The following CTNNA3 variants were observed in gnomAD, a reference collection of about 807,000 sequenced individuals.
CTNNA3 encodes catenin alpha-3.
CTNNA3 carries 76 observed loss-of-function variants against 95.7 expected under a neutral mutation model. The ratio of observed to expected loss-of-function variants is 0.79; its 90% CI spans 0.66 to 0.96. CTNNA3 has a LOEUF of 0.96. Among genes scored for constraint, CTNNA3 ranks in the 40% least tolerant of loss-of-function variants. The pLI, the probability that CTNNA3 is intolerant of heterozygous loss-of-function variation, is 0.00. For missense variants in CTNNA3, 1,191 were observed against 1,089.8 expected, an observed-to-expected ratio of 1.09 and a Z score of -1.31; for synonymous variants, 431 against 374.4, an observed-to-expected ratio of 1.15 and a Z score of -1.74.
At chr10:67,664,146 T>G (rs1468854585) in intron 1 of CTNNA3, among the ~76,000 whole-genome samples, 3 of 152,222 alleles carry the variant, frequency 2.0e-5, no homozygotes, top group African/African-American at 2.4e-5. Context: ...ATTCATACAT[T>G]TATACAAAAT....
chr10:67,512,631 A>T (rs1287725797), intron 5 of CTNNA3, among the ~76,000 whole-genome samples: 1 of 152,016 alleles, frequency 6.6e-6, no homozygotes, highest in East Asian at 1.9e-4. Flanking sequence ...GCTGAACCAG[A>T]TGATGCTTAT....
intron 5 of CTNNA3, among the ~76,000 whole-genome samples, chr10:67,248,005 A>G (rs1488065203): frequency 2.0e-5 from 3 of 152,218 alleles, no homozygotes; most frequent in African/African-American, 7.2e-5. Context: ...CAAGGGTATC[A>G]TGACAATTCA....
chr10:66,261,723 G>C (rs951742150), intron 13 of CTNNA3, among the ~76,000 whole-genome samples: 1 of 151,990 alleles, frequency 6.6e-6, no homozygotes, highest in South Asian at 2.1e-4. Context: ...GAATCATAAG[G>C]CTTTTCTTTA....
chr10:66,316,104 A>G (rs1589075502), intron 12 of CTNNA3, among the ~76,000 whole-genome samples: 1 of 152,140 alleles, frequency 6.6e-6, no homozygotes, highest in South Asian at 2.1e-4. Flanking sequence ...GAGACTTTCA[A>G]TATTGAGTAT....
chr10:66,464,831 C>G (rs12245605), intron 11 of CTNNA3, among the ~76,000 whole-genome samples: 10,109 of 151,516 alleles, frequency 0.067, 715 homozygotes, highest in African/African-American at 0.18. Context: ...CAATTTGTCT[C>G]TTACAGGCTA....
chr10:66,456,414 T>G (rs2093495407), intron 11 of CTNNA3, among the ~76,000 whole-genome samples: 1 of 152,160 alleles, frequency 6.6e-6, no homozygotes, highest in Non-Finnish European at 1.5e-5. Context: ...AGACAGTCTT[T>G]GCAACAAATG....
At chr10:67,571,609 A>G (rs187316380) in intron 3 of CTNNA3, among the ~76,000 whole-genome samples, 47 of 152,304 alleles carry the variant, frequency 3.1e-4, no homozygotes, top group African/African-American at 1.1e-3. Flanking sequence ...AATAGACTAT[A>G]GTTTATACAG....
chr10:66,491,852 A>G (rs1270849007), intron 11 of CTNNA3, among the ~76,000 whole-genome samples: 2 of 152,212 alleles, frequency 1.3e-5, no homozygotes, highest in African/African-American at 2.4e-5. Context: ...GAAGTGTGTC[A>G]TAAGTACCAT....
intron 13 of CTNNA3, among the ~76,000 whole-genome samples, chr10:66,164,956 A>G (rs1009077978): frequency 2.6e-5 from 4 of 152,284 alleles, no homozygotes; most frequent in Non-Finnish European, 5.9e-5. Flanking sequence ...TCAAAAAAAG[A>G]AAGAAAGGAA....
chr10:66,862,245 T>C (rs1033406046), intron 7 of CTNNA3, among the ~76,000 whole-genome samples: 4 of 152,112 alleles, frequency 2.6e-5, no homozygotes, highest in African/African-American at 9.7e-5. Flanking sequence ...AGTTTGGTGA[T>C]GTTTTTGTGA....
At chr10:67,737,660 A>G (rs1841310311) in intron 1 of CTNNA3, among the ~76,000 whole-genome samples, 1 of 152,244 alleles carries the variant, frequency 6.6e-6, no homozygotes, top group African/African-American at 2.4e-5. Flanking sequence ...AAAAATGCTC[A>G]TCATCACTGG....
chr10:67,535,050 T>C (rs142816665), intron 4 of CTNNA3, among the ~76,000 whole-genome samples: 1 of 152,238 alleles, frequency 6.6e-6, no homozygotes, highest in East Asian at 1.9e-4. Flanking sequence ...TATTGGGTCA[T>C]TAAAAAGTAA....
At chr10:66,993,643 A>G (rs1392685590) in intron 7 of CTNNA3, among the ~76,000 whole-genome samples, 3 of 151,848 alleles carry the variant, frequency 2.0e-5, no homozygotes, top group Non-Finnish European at 4.4e-5. Flanking sequence ...ACATTCTTCA[A>G]CAAATGTTTA....
At chr10:67,134,836 A>G (rs929609172) in intron 7 of CTNNA3, among the ~76,000 whole-genome samples, 11 of 152,092 alleles carry the variant, frequency 7.2e-5, no homozygotes, top group Admixed American at 2.6e-4. Flanking sequence ...AGAAGTTATG[A>G]GTTCCAAAGA....
At chr10:67,174,120 T>C (rs1433204833) in intron 7 of CTNNA3, among the ~76,000 whole-genome samples, 1 of 152,236 alleles carries the variant, frequency 6.6e-6, no homozygotes, top group Non-Finnish European at 1.5e-5. Flanking sequence ...TTTACAAAAA[T>C]TATTTCATTC....
upstream of CTNNA3, among the ~76,000 whole-genome samples, chr10:67,699,428 G>A (rs1171944153): frequency 2.6e-5 from 4 of 152,146 alleles, no homozygotes; most frequent in Admixed American, 6.5e-5. Context: ...TGTCACCTGA[G>A]GGGATAACAC....
chr10:67,027,240 G>A (rs1410673338), intron 7 of CTNNA3, among the ~76,000 whole-genome samples: 1 of 152,046 alleles, frequency 6.6e-6, no homozygotes, highest in East Asian at 1.9e-4. Flanking sequence ...ATGAGAGGAG[G>A]AAAAGGAAGA....
intron 7 of CTNNA3, among the ~76,000 whole-genome samples, chr10:66,805,143 T>C (rs957522713): frequency 6.6e-6 from 1 of 152,112 alleles, no homozygotes; most frequent in Non-Finnish European, 1.5e-5. Context: ...AAACATGTCC[T>C]GTATGACTCC....
chr10:66,868,441 C>A (rs899233096), intron 7 of CTNNA3, among the ~76,000 whole-genome samples: 1 of 151,470 alleles, frequency 6.6e-6, no homozygotes, highest in African/African-American at 2.4e-5. Context: ...CTGTCCTGGG[C>A]TCTGTGTGTT....
Sources: gnomAD v4.1 joint callset for allele counts (sites outside exome capture counted in the v4.1 genomes callset) on GRCh38, gnomAD v4.1.1 for gene constraint, MANE v1.5 for transcripts, NCBI Gene and HGNC (gene_info 2026-07-23, HGNC 2026-07-21) for gene names.